The following RUNX1T1 variants were observed in gnomAD, a reference collection of about 807,000 sequenced individuals.
RUNX1T1 encodes RUNX1 partner transcriptional co-repressor 1.
A neutral mutation model predicts 62.8 loss-of-function variants in RUNX1T1; 4 were observed. The observed-to-expected ratio is 0.06, with a 90% CI of 0.03 to 0.15. The LOEUF (loss-of-function observed/expected upper bound fraction) is 0.15, where lower values mean the gene tolerates loss of function less well. Ranked by LOEUF, RUNX1T1 falls within the 10% of genes least tolerant of loss-of-function variation. The pLI is 1.00. For missense variants in RUNX1T1, 508 were observed against 754.3 expected (o/e 0.67, Z 3.82); for synonymous variants, 291 against 286.0 (o/e 1.02, Z -0.18).
At chr8:92,050,608 A>T (rs1236927972) in intron 1 of RUNX1T1, among the ~76,000 whole-genome samples, 1 of 152,206 alleles carries the variant, frequency 6.6e-6, no homozygotes, top group African/African-American at 2.4e-5. Flanking sequence ...ACATAAAGCA[A>T]ATGGCCAGGC....
intron 7 of RUNX1T1, 86 bp from the exon 9 acceptor site, chr8:91,986,411 G>T: frequency 9.7e-7 from 1 of 1,032,746 alleles, no homozygotes; most frequent in Non-Finnish European, 1.5e-6. Flanking sequence ...ACCATTTCAG[G>T]ACAATGAAGG....
chr8:92,068,389 T>C (rs1042638783), intron 2 of RUNX1T1, among the ~76,000 whole-genome samples: 3 of 152,148 alleles, frequency 2.0e-5, no homozygotes, highest in Non-Finnish European at 4.4e-5. Flanking sequence ...TATGCTCCAA[T>C]GAACTTTCCC....
chr8:91,995,280 A>G (rs548922155), intron 5 of RUNX1T1, among the ~76,000 whole-genome samples: 114 of 152,298 alleles, frequency 7.5e-4, no homozygotes, highest in Non-Finnish European at 1.2e-3. Flanking sequence ...GTTCAGTGCT[A>G]TTACTTCAAT....
chr8:92,083,051 C>T (rs964982731), intron 1 of RUNX1T1, among the ~76,000 whole-genome samples: 3 of 152,112 alleles, frequency 2.0e-5, no homozygotes, highest in African/African-American at 7.2e-5. Context: ...TAAAAATGTC[C>T]ATATACATAA....
At chr8:91,960,577 C>G (rs60641125) in intron 10 of RUNX1T1, 60 bp from the exon 12 acceptor site, 1 of 1,547,256 alleles carries the variant, frequency 6.5e-7, no homozygotes, top group Non-Finnish European at 8.9e-7. Flanking sequence ...AGACAATAGT[C>G]TGACAAATAT....
chr8:92,008,390 A>T (rs199810687), intron 4 of RUNX1T1, among the ~76,000 whole-genome samples: 844 of 71,174 alleles, frequency 0.012, 7 homozygotes, highest in African/African-American at 0.045. Context: ...TCTCTCTCTC[A>T]CACACACACA....
chr8:92,022,284 C>G (rs1563777469), intron 1 of RUNX1T1, among the ~76,000 whole-genome samples: 1 of 152,166 alleles, frequency 6.6e-6, no homozygotes, highest in East Asian at 1.9e-4. Context: ...ACAGTATACA[C>G]AGAGAGAGGA....
At chr8:92,067,100 C>T (rs1832987282), upstream of RUNX1T1, among the ~76,000 whole-genome samples, 1 of 152,144 alleles carries the variant, frequency 6.6e-6, no homozygotes, top group Non-Finnish European at 1.5e-5. Flanking sequence ...GGTGTATAAA[C>T]ATCATGAGGT....
chr8:92,076,020 T>C, exon 2 of RUNX1T1: 2 of 1,611,954 alleles, frequency 1.2e-6, no homozygotes, highest in Non-Finnish European at 1.7e-6. Context: ...CTAAACTCAG[T>C]GCTCTCCAAG....
Position 92,070,448 on chromosome 8 carries a change from T to C in RUNX1T1, c.88+5517A>G, listed in dbSNP as rs190400150. The stretch of plus-strand genomic sequence containing the variant: ...ATACATAAATAAACACGCACATGCC[T>C]GAGGATACACATAACACTTATGGCA... On this transcript the variant is annotated intron_variant, in intron 2 of 11. Coordinates refer to the RUNX1T1 transcript ENST00000265814. Among the ~76,000 whole-genome samples the C allele has an allele frequency of 1.3e-3, 194 of 152,298 alleles. 1 individual carries two copies. Among genetic ancestry groups the C allele is most frequent in the Admixed American group, 3.6e-3 (55 of 15,282 alleles).
intron 1 of RUNX1T1, among the ~76,000 whole-genome samples, chr8:92,094,186 C>T (rs1837449044): frequency 2.0e-5 from 3 of 152,202 alleles, no homozygotes; most frequent in South Asian, 4.1e-4. Context: ...CTTACCCAAT[C>T]GATCTGCTGC....
chr8:92,055,949 T>A (rs188427213), intron 1 of RUNX1T1, among the ~76,000 whole-genome samples: 1 of 152,320 alleles, frequency 6.6e-6, no homozygotes, highest in East Asian at 1.9e-4. Flanking sequence ...CCATAACAAC[T>A]AAGAAACAAT....
At chr8:92,059,147 A>G (rs1831502287) in intron 1 of RUNX1T1, among the ~76,000 whole-genome samples, 1 of 152,190 alleles carries the variant, frequency 6.6e-6, no homozygotes, top group African/African-American at 2.4e-5. Context: ...CTACATTTAT[A>G]ATTGGGTATT....
At chr8:92,087,441 A>G (rs1836304541) in intron 1 of RUNX1T1, among the ~76,000 whole-genome samples, 1 of 152,096 alleles carries the variant, frequency 6.6e-6, no homozygotes, top group Admixed American at 6.6e-5. Context: ...TTCCTATTGT[A>G]TAACCTACCA....
intron 1 of RUNX1T1, among the ~76,000 whole-genome samples, chr8:92,058,093 C>A (rs1018093513): frequency 2.0e-5 from 3 of 152,054 alleles, no homozygotes; most frequent in Admixed American, 6.6e-5. Context: ...TGGGTATCTA[C>A]CCCTCTGGGC....
At chr8:92,095,059 A>C (rs1837586774) in intron 1 of RUNX1T1, 1 of 1,535,514 alleles carries the variant, frequency 6.5e-7, no homozygotes, top group South Asian at 1.2e-5. Context: ...AGCAGAGGTG[A>C]TGGGAGATAG....
chr8:91,968,562 G>A (rs1440651151), intron 10 of RUNX1T1, among the ~76,000 whole-genome samples: 1 of 151,970 alleles, frequency 6.6e-6, no homozygotes, highest in East Asian at 1.9e-4. Flanking sequence ...CAGCATTTTT[G>A]GAGAAAAGAG....
At chr8:92,014,732 G>A (rs1400532033) in exon 3 of RUNX1T1, 2 of 1,614,134 alleles carry the variant, frequency 1.2e-6, no homozygotes, top group South Asian at 1.1e-5. Context: ...GAGAGGAGGA[G>A]GAAGAAGAGG....
intron 1 of RUNX1T1, among the ~76,000 whole-genome samples, chr8:92,094,218 C>A (rs990119384): frequency 6.6e-6 from 1 of 152,178 alleles, no homozygotes. Flanking sequence ...AAACATGCCC[C>A]CCTGGCTTTA....
Sources: allele counts gnomAD v4.1 joint callset (sites outside exome capture counted in the v4.1 genomes callset), GRCh38; gene constraint gnomAD v4.1.1; transcripts MANE v1.5; gene names NCBI Gene and HGNC (gene_info 2026-07-23, HGNC 2026-07-21).